The following LARP1 variants were observed in gnomAD, a reference collection of about 807,000 sequenced individuals.
LARP1 encodes la-related protein 1.
In LARP1, 36 loss-of-function variants were observed where a neutral mutation model predicts 122.7. That is an observed-to-expected ratio of 0.29 (90% confidence interval 0.22 to 0.39). LARP1 has a LOEUF of 0.39. Ranked by LOEUF, LARP1 falls within the 10% of genes least tolerant of loss-of-function variation. The pLI, the probability that LARP1 is intolerant of heterozygous loss-of-function variation, is 1.00. For missense variants in LARP1, 1,040 were observed against 1,403.6 expected (o/e 0.74, Z 4.14); for synonymous variants, 539 against 528.7 (o/e 1.02, Z -0.27).
chr5:154,759,364 A>G (rs2113576972), intron 1 of LARP1, among the ~76,000 whole-genome samples: 1 of 152,158 alleles, frequency 6.6e-6, no homozygotes, highest in East Asian at 1.9e-4. Flanking sequence ...GTGTTATATA[A>G]GTACTCCGTG....
chr5:154,776,295 TG>T (rs1755877312), intron 1 of LARP1, among the ~76,000 whole-genome samples: 1 of 152,182 alleles, frequency 6.6e-6, no homozygotes, highest in Admixed American at 6.6e-5. Context: ...TTTTGGAGCT[TG>T]TTACAAAACT....
chr5:154,804,732 G>A (rs934936744), intron 14 of LARP1: 1 of 455,926 alleles, frequency 2.2e-6, no homozygotes, highest in Non-Finnish European at 4.4e-6. Flanking sequence ...TGCTGACCCT[G>A]CTTCTTGGGG....
Position 154,814,146 on chromosome 5 carries a change from A to C in LARP1, c.*50A>C, listed in dbSNP as rs375884763. 44 of 1,576,798 alleles carry C rather than the reference A, an allele frequency of 2.8e-5. No individual in the cohort carries two copies. In the African/African-American group the frequency reaches 5.4e-4, roughly 19 times the overall value. On this transcript the variant is annotated 3_prime_UTR_variant, in exon 19 of 19. Transcript: ENST00000518297. ...AGGGGGGAAAGGGGTAGGGTGGGTA[A>C]GAGTCCATGGGGGTGCCCAGTCCCA...
intron 1 of LARP1, among the ~76,000 whole-genome samples, chr5:154,744,616 A>ATTTTTTTTTTTT (rs748853573): frequency 9.7e-5 from 7 of 71,992 alleles, no homozygotes; most frequent in African/African-American, 2.8e-4. Context: ...TGGATATGCA[A>ATTTTTTTTTTTT]TTTTTTTTTT....
At chr5:154,795,030 C>T in intron 7 of LARP1, 145 bp from the exon 8 acceptor site, 2 of 752,182 alleles carry the variant, frequency 2.7e-6, no homozygotes, top group Non-Finnish European at 2.2e-6. Context: ...CTTTTCAGCC[C>T]TCAACACTGT....
chr5:154,792,911 G>A, intron 4 of LARP1, 115 bp downstream of exon 4: 3 of 921,354 alleles, frequency 3.3e-6, no homozygotes, highest in Non-Finnish European at 5.0e-6. Context: ...AGTCAATGGG[G>A]AAACTGATGG....
chr5:154,737,633 G>C (rs912213300), intron 1 of LARP1, among the ~76,000 whole-genome samples: 1 of 151,852 alleles, frequency 6.6e-6, no homozygotes, highest in Non-Finnish European at 1.5e-5. Flanking sequence ...AGTAGAGACG[G>C]GATTTCACCT....
At chr5:154,725,178 T>C (rs1756126644) in intron 1 of LARP1, among the ~76,000 whole-genome samples, 1 of 151,540 alleles carries the variant, frequency 6.6e-6, no homozygotes, top group South Asian at 2.1e-4. Flanking sequence ...GATCATGAGG[T>C]CAGGAGTTCA....
intron 1 of LARP1, among the ~76,000 whole-genome samples, chr5:154,742,899 C>T (rs1432172728): frequency 6.6e-6 from 1 of 152,082 alleles, no homozygotes; most frequent in Admixed American, 6.6e-5. Flanking sequence ...TGGAAAGCAG[C>T]CCTTTTCCTA....
rs1047535061 is a variant in LARP1, at chr5:154,701,574, G to A, written c.-180+18537G>A. Among the ~76,000 whole-genome samples the A allele has an allele frequency of 2.6e-5, 4 of 151,934 alleles. No homozygotes were observed. The South Asian group carries it at 6.2e-4, about 24-fold the overall frequency. On this transcript the variant is annotated intron_variant, in intron 1 of 18. Transcript: ENST00000687700. ...GATATGTGACTCAGTTACAGCCAATGAGACTCAATTCTGGGGATATGGTCC... is the reference window on the plus strand; with the variant it reads ...GATATGTGACTCAGTTACAGCCAATAAGACTCAATTCTGGGGATATGGTCC...
At chr5:154,753,057 G>A (rs375243704), upstream of LARP1, among the ~76,000 whole-genome samples, 1 of 151,966 alleles carries the variant, frequency 6.6e-6, no homozygotes, top group Non-Finnish European at 1.5e-5. Context: ...TACACAGCAG[G>A]GCCTGGCCAT....
At chr5:154,792,040 G>C (rs569951974) in intron 3 of LARP1, 2 of 448,460 alleles carry the variant, frequency 4.5e-6, no homozygotes, top group Admixed American at 4.7e-5. Flanking sequence ...CCCAGCCTGT[G>C]TTCTCCATCA....
intron 3 of LARP1, among the ~76,000 whole-genome samples, chr5:154,791,306 C>T (rs905634590): frequency 1.3e-5 from 2 of 151,444 alleles, no homozygotes; most frequent in Admixed American, 6.6e-5. Flanking sequence ...CTCCACCTCC[C>T]AGGTTCAAGT....
At chr5:154,743,038 C>T (rs1009192168) in intron 1 of LARP1, among the ~76,000 whole-genome samples, 6 of 152,180 alleles carry the variant, frequency 3.9e-5, no homozygotes, top group African/African-American at 1.4e-4. Flanking sequence ...TAGAGATTGA[C>T]TATGAATGTT....
chr5:154,707,920 GC>G (rs892223338), upstream of LARP1, among the ~76,000 whole-genome samples: 1 of 152,140 alleles, frequency 6.6e-6, no homozygotes, highest in African/African-American at 2.4e-5. Context: ...AGGATATTCT[GC>G]CTTGACTTTA....
upstream of LARP1, among the ~76,000 whole-genome samples, chr5:154,708,617 G>T (rs1410055509): frequency 6.6e-5 from 10 of 151,592 alleles, no homozygotes; most frequent in South Asian, 4.2e-4. Context: ...GTTTTTTTTT[G>T]TTGTTGTTGT....
intron 1 of LARP1, among the ~76,000 whole-genome samples, chr5:154,769,189 TA>T (rs1414066211): frequency 5.9e-5 from 9 of 152,190 alleles, no homozygotes; most frequent in Non-Finnish European, 1.0e-4. Flanking sequence ...ATTATGTGAA[TA>T]AAGCTGTTAT....
At chr5:154,687,382 TTGTG>T (rs925514905) in intron 1 of LARP1, among the ~76,000 whole-genome samples, 2 of 152,102 alleles carry the variant, frequency 1.3e-5, no homozygotes, top group African/African-American at 4.8e-5. Context: ...CTTTTGTGTG[TTGTG>T]TGTGTGTGTT....
intron 1 of LARP1, among the ~76,000 whole-genome samples, chr5:154,722,321 A>G (rs569390042): frequency 3.3e-5 from 5 of 152,168 alleles, no homozygotes; most frequent in East Asian, 3.9e-4. Context: ...TACCTAGACA[A>G]TAGTGCAACA....
Sources: allele counts gnomAD v4.1 joint callset (sites outside exome capture counted in the v4.1 genomes callset), GRCh38; gene constraint gnomAD v4.1.1; transcripts MANE v1.5; gene names NCBI Gene and HGNC (gene_info 2026-07-23, HGNC 2026-07-21).